The following CLSTN3 variants were observed in gnomAD, a reference collection of about 807,000 sequenced individuals.
The protein encoded by CLSTN3 is calsyntenin-3.
A neutral mutation model predicts 95.9 loss-of-function variants in CLSTN3; 36 were observed. The observed-to-expected ratio is 0.38, with a 90% CI of 0.29 to 0.50. The LOEUF (loss-of-function observed/expected upper bound fraction) is 0.50. Among genes scored for constraint, CLSTN3 ranks in the 20% least tolerant of loss-of-function variants. The pLI is 0.95. For synonymous variants in CLSTN3, 481 were observed against 504.0 expected, an observed-to-expected ratio of 0.95 and a Z score of 0.61; for missense variants, 1,084 against 1,268.8, an observed-to-expected ratio of 0.85 and a Z score of 2.21.
At position 7,137,035 on chromosome 12, in the gene CLSTN3, T is replaced by C; in HGVS notation, c.1135T>C (p.Trp379Arg). ...CAGTGACCACTTCACCCTGTCCTTC[T>C]GGATGAAGCATGGCGTAACTCCCAA... ...SLSDHFTLSF[W>R]MKHGVTPNKG... Residue 379 changes from tryptophan (W) to arginine (R), a missense_variant, in exon 7 of 18, where the codon TGG (tryptophan) becomes CGG (arginine). By Grantham distance (101) the Trp-to-Arg change is moderately radical. Coordinates refer to ENST00000266546, the MANE Select transcript of CLSTN3 (RefSeq NM_014718.4). The surrounding 1 kb of genome is among the most constrained non-coding windows in gnomAD (Gnocchi z 4.4). The C allele has an allele frequency of 6.2e-7, 1 of 1,614,180 alleles. No homozygotes were observed. Among genetic ancestry groups the C allele is most frequent in the Non-Finnish European group, 8.5e-7 (1 of 1,180,006 alleles).
chr12:7,135,468 C>A lies in CLSTN3; in HGVS notation c.525C>A (p.Pro175=), dbSNP rs977234727. The change falls in exon 4 of 18, where the codon CCC becomes CCA. Residue 175 remains proline, a synonymous_variant. Coordinates refer to ENST00000266546, the MANE Select transcript of CLSTN3 (RefSeq NM_014718.4). ...AAGCCATTGACGGTGACTGCTCCCC[C>A]CAGTACAGCCAGATCTGCTACTATG... ...RVEAIDGDCS[P]QYSQICYYEI... The A allele has an allele frequency of 6.2e-7, 1 of 1,614,032 alleles. No homozygotes were observed. The highest frequency in any genetic ancestry group is 1.3e-5 in the African/African-American group (1 of 74,896).
Position 7,137,942 on chromosome 12 carries a change from C to T in CLSTN3, c.1211-13C>T, listed in dbSNP as rs372177991. 4.0e-4 allele frequency: 636 copies of T among 1,608,720 alleles called. No individual in the cohort carries two copies. The highest frequency in any genetic ancestry group is 5.1e-4 in the Non-Finnish European group (594 of 1,175,470). ...CCTCTGCACTTGACCCCATCCCCTTCCTGTGCCCTCAGAGGACGGCTTCTC... is the reference window on the plus strand; with the variant it reads ...CCTCTGCACTTGACCCCATCCCCTTTCTGTGCCCTCAGAGGACGGCTTCTC... On this transcript the variant is annotated splice_polypyrimidine_tract_variant and intron_variant, in intron 7 of 17. Coordinates refer to ENST00000266546, the MANE Select transcript of CLSTN3 (RefSeq NM_014718.4). This position sits in a 1 kb window ranked among gnomAD's most constrained non-coding sequence, Gnocchi z 4.4.
intron 12 of CLSTN3, 21 bp from the exon 13 acceptor site, chr12:7,148,951 T>G (rs375831817): frequency 2.6e-5 from 41 of 1,606,424 alleles, no homozygotes; most frequent in Non-Finnish European, 3.5e-5. Flanking sequence ...CACATGCTGC[T>G]TCTCCTGCTT....
chr12:7,130,846 C>T, intron 1 of CLSTN3, 134 bp downstream of exon 1: 1 of 773,050 alleles, frequency 1.3e-6, no homozygotes, highest in Non-Finnish European at 2.2e-6. Context: ...CCCTCCTTCC[C>T]ATCCGTTCTC....
intron 1 of CLSTN3, 126 bp downstream of exon 1, chr12:7,130,838 C>G: frequency 1.2e-6 from 1 of 823,346 alleles, no homozygotes; most frequent in Non-Finnish European, 2.0e-6. Flanking sequence ...TCTGATCACC[C>G]TCCTTCCCAT....
intron 8 of CLSTN3, among the ~76,000 whole-genome samples, chr12:7,139,262 C>A (rs1348920789): frequency 6.6e-6 from 1 of 152,132 alleles, no homozygotes; most frequent in Non-Finnish European, 1.5e-5. Flanking sequence ...TGGCGGGAGG[C>A]AAGGAAAGGA....
chr12:7,138,122 G>A, intron 8 of CLSTN3, 55 bp downstream of exon 8: 1 of 1,362,144 alleles, frequency 7.3e-7, no homozygotes. Context: ...TCACTTTTAG[G>A]AAAGGACCTT....
Position 7,130,506 on chromosome 12 carries a change from G to A in CLSTN3, c.-143G>A. 6.5e-7 allele frequency: 1 copy of A among 1,535,494 alleles called. No homozygotes were observed. Reference sequence around the variant, plus strand: ...CCAGGCCCGCTTTATGGACTAGTGTGGGCGGCAGGCTCCTTTCCGTCCCTG... The same window carrying A: ...CCAGGCCCGCTTTATGGACTAGTGTAGGCGGCAGGCTCCTTTCCGTCCCTG... On this transcript the variant is annotated 5_prime_UTR_variant, in exon 1 of 18. Coordinates refer to ENST00000266546, the MANE Select transcript of CLSTN3 (RefSeq NM_014718.4).
Position 7,157,423 on chromosome 12 carries a change from C to T in CLSTN3, c.2528-66C>T. On this transcript the variant is annotated intron_variant, in intron 16 of 17. Coordinates refer to ENST00000266546, the MANE Select transcript of CLSTN3 (RefSeq NM_014718.4). The surrounding 1 kb of genome is among the most constrained non-coding windows in gnomAD (Gnocchi z 5.9). ...CCGGGCTGCCTCTTTTCCTACCCAG[C>T]CCCCTGTCCAAGTGCCCCCAGGTGT... 19 of 1,408,506 alleles carry T rather than the reference C, an allele frequency of 1.3e-5. No homozygotes were observed. Among genetic ancestry groups the T allele is most frequent in the Non-Finnish European group, 1.8e-5 (19 of 1,048,060 alleles). The allele number at this position is 1,408,506 out of a possible 1,614,324, so 87.3% of individuals were successfully genotyped here.
At chr12:7,130,303 T>TTCCCCCCCCCC, upstream of CLSTN3, 1 of 778,326 alleles carries the variant, frequency 1.3e-6, no homozygotes, top group South Asian at 2.6e-5. Flanking sequence ...CAGCACCTGG[T>TTCCCCCCCCCC]CCCCCCCCCT....
rs1187030807 is a variant in CLSTN3 at position 7,130,481 on chromosome 12, C to T, written c.-168C>T. On this transcript the variant is annotated 5_prime_UTR_variant, in exon 1 of 18. Transcript: ENST00000266546. ...CTCAGCTACCCAGATTGGGATCTGC[C>T]CAGGCCCGCTTTATGGACTAGTGTG... 5 of 1,520,238 alleles carry T rather than the reference C, an allele frequency of 3.3e-6. No individual in the cohort carries two copies. Among genetic ancestry groups the T allele is most frequent in the Admixed American group, 2.0e-5 (1 of 49,966 alleles). The allele number at this position is 1,520,238 out of a possible 1,614,324, so 94.2% of individuals were successfully genotyped here.
chr12:7,132,851 C>G (rs1228837695), intron 1 of CLSTN3, 173 bp from the exon 2 acceptor site: 1 of 781,072 alleles, frequency 1.3e-6, no homozygotes, highest in Non-Finnish European at 2.1e-6. Context: ...CCCTCTGACT[C>G]CTTTAGTAGC....
chr12:7,133,283 A>G lies in CLSTN3; in HGVS notation c.187+137A>G. The stretch of plus-strand genomic sequence containing the variant: ...GATAAAAGTGGGCTCAAGGAGGGGA[A>G]TGGTCTCCACTGAAGAATGGAGATT... On this transcript the variant is annotated intron_variant, in intron 2 of 17. Transcript: ENST00000266546. This position sits in a 1 kb window ranked among gnomAD's most constrained non-coding sequence, Gnocchi z 4.7. 1 of 1,166,094 alleles carries G rather than the reference A, an allele frequency of 8.6e-7. No individual in the cohort carries two copies. Among genetic ancestry groups the G allele is most frequent in the Admixed American group, 2.1e-5 (1 of 46,894 alleles). 72.2% of individuals were successfully genotyped at this position (1,166,094 alleles called of 1,614,324 possible).
intron 12 of CLSTN3, 77 bp downstream of exon 12, chr12:7,143,388 C>T: frequency 6.6e-7 from 1 of 1,504,432 alleles, no homozygotes; most frequent in Non-Finnish European, 9.0e-7. Flanking sequence ...AAGGCGTCAC[C>T]TAGAGCTAGG....
rs528559480 is a variant in CLSTN3, at chr12:7,149,836, C to T, written c.2245+143C>T. The T allele has an allele frequency of 5.9e-4, 444 of 758,132 alleles. 2 individuals carry two copies. Among genetic ancestry groups the T allele is most frequent in the Non-Finnish European group, 8.7e-4 (416 of 480,712 alleles). The allele number at this position is 758,132 out of a possible 1,614,324, so 47.0% of individuals were successfully genotyped here. A position where few individuals can be genotyped will look rare whatever the true frequency, so the allele number is the denominator to read the frequency against. ...GCATTTTCCTAGCCTGGAAGATCCTCTGGCTTTGATTGTCCCTAGGGAAGG... is the reference window on the plus strand; with the variant it reads ...GCATTTTCCTAGCCTGGAAGATCCTTTGGCTTTGATTGTCCCTAGGGAAGG... On this transcript the variant is annotated intron_variant, in intron 14 of 17. Coordinates refer to ENST00000266546, the MANE Select transcript of CLSTN3 (RefSeq NM_014718.4). This position sits in a 1 kb window ranked among gnomAD's most constrained non-coding sequence, Gnocchi z 4.5.
rs1192151782 is a variant in CLSTN3, at chr12:7,133,224, G to GA, written c.187+78_187+79insA. On this transcript the variant is annotated intron_variant, in intron 2 of 17. Transcript: ENST00000266546. The surrounding 1 kb of genome is among the most constrained non-coding windows in gnomAD (Gnocchi z 4.7). Reference sequence around the variant, plus strand: ...GGAGGGCCAAGAGCAAGGGAGGGAGGGAAGGTCCTGGGAGTGATGAGAAAG... The same window carrying GA: ...GGAGGGCCAAGAGCAAGGGAGGGAGGAGAAGGTCCTGGGAGTGATGAGAAAG... 1 of 1,540,748 alleles carries GA rather than the reference G, an allele frequency of 6.5e-7. No homozygotes were observed. Among genetic ancestry groups the GA allele is most frequent in the Non-Finnish European group, 8.9e-7 (1 of 1,122,582 alleles).
Position 7,141,984 on chromosome 12 carries a change from G to C in CLSTN3, c.1487-102G>C. On this transcript the variant is annotated intron_variant, in intron 9 of 17. Transcript: ENST00000266546. This position sits in a 1 kb window ranked among gnomAD's most constrained non-coding sequence, Gnocchi z 4.1. Reference sequence around the variant, plus strand: ...GGGTCAGAATCCCATGTGGGCATGAGAGCACTCATGGGGATGAGAGGAAGA... The same window carrying C: ...GGGTCAGAATCCCATGTGGGCATGACAGCACTCATGGGGATGAGAGGAAGA... 1.1e-6 allele frequency: 1 copy of C among 894,598 alleles called. No homozygotes were observed. Among genetic ancestry groups the C allele is most frequent in the East Asian group, 2.7e-5 (1 of 37,692 alleles). 55.4% of individuals were successfully genotyped at this position (894,598 alleles called of 1,614,324 possible). A position where few individuals can be genotyped will look rare whatever the true frequency, so the allele number is the denominator to read the frequency against.
intron 8 of CLSTN3, 31 bp downstream of exon 8, chr12:7,138,098 T>G (rs1353576659): frequency 6.5e-7 from 1 of 1,532,394 alleles, no homozygotes; most frequent in South Asian, 1.1e-5. Flanking sequence ...CTGGGAGGGC[T>G]GAGTAGATGT....
chr12:7,141,988 A>C lies in CLSTN3; in HGVS notation c.1487-98A>C, dbSNP rs1939533287. 3.3e-6 allele frequency: 3 copies of C among 911,176 alleles called. No homozygotes were observed. In the South Asian group the frequency reaches 4.9e-5, roughly 15 times the overall value. 56.4% of individuals were successfully genotyped at this position (911,176 alleles called of 1,614,324 possible). ...CAGAATCCCATGTGGGCATGAGAGCACTCATGGGGATGAGAGGAAGACATC... is the reference window on the plus strand; with the variant it reads ...CAGAATCCCATGTGGGCATGAGAGCCCTCATGGGGATGAGAGGAAGACATC... On this transcript the variant is annotated intron_variant, in intron 9 of 17. Transcript: ENST00000266546. This position sits in a 1 kb window ranked among gnomAD's most constrained non-coding sequence, Gnocchi z 4.1.
Sources: allele counts gnomAD v4.1 joint callset (sites outside exome capture counted in the v4.1 genomes callset), GRCh38; gene constraint gnomAD v4.1.1; non-coding constraint Gnocchi (gnomAD v3.1); transcripts MANE v1.5; gene names NCBI Gene and HGNC (gene_info 2026-07-23, HGNC 2026-07-21).